The following TMEM135 variants were observed in gnomAD, a reference collection of about 807,000 sequenced individuals.
The protein encoded by TMEM135 is transmembrane protein 135.
TMEM135 carries 30 observed loss-of-function variants against 60.3 expected under a neutral mutation model. The observed-to-expected ratio is 0.50, with a 90% confidence interval of 0.37 to 0.68. TMEM135 has a LOEUF of 0.68. Among genes scored for constraint, TMEM135 ranks in the 30% least tolerant of loss-of-function variants. TMEM135 has a pLI of 0.00. For synonymous variants in TMEM135, 190 were observed against 186.7 expected (o/e 1.02, Z -0.14); for missense variants, 468 against 548.8 (o/e 0.85, Z 1.47).
In TMEM135 at chr11:87,236,999, T is replaced by C. The variant is rs80336678; in HGVS notation, c.509+315T>C. ...TTTATCTTTTATGGACCTGATTGTA[T>C]GTAAATACCTAAGTGTTTTTCACTC... On this transcript the variant is annotated intron_variant, in intron 6 of 14. Coordinates refer to ENST00000305494, the MANE Select transcript of TMEM135 (RefSeq NM_022918.4). Among the ~76,000 whole-genome samples, 87 of 152,116 alleles carry C rather than the reference T, an allele frequency of 5.7e-4. No individual in the cohort carries two copies. In the East Asian group the frequency reaches 0.013, roughly 23 times the overall value.
rs1199993334 is a variant in TMEM135 at position 87,268,164 on chromosome 11, C to CTTTTCTTTTCTTTTCTTTTCT, written c.510-27615_510-27614insTCTTTTCTTTTCTTTTCTTTT. Among the ~76,000 whole-genome samples, 198 of 110,512 alleles carry CTTTTCTTTTCTTTTCTTTTCT rather than the reference C, an allele frequency of 1.8e-3. 21 individuals carry two copies. The highest frequency in any genetic ancestry group is 2.5e-3 in the Admixed American group (27 of 10,824). The allele number at this position is 110,512 out of a possible 152,430, so 72.5% of individuals were successfully genotyped here. On this transcript the variant is annotated intron_variant, in intron 6 of 14. Coordinates refer to ENST00000305494, the MANE Select transcript of TMEM135 (RefSeq NM_022918.4). ...CCTCTCCTTTCCTTTATTTCCTTTC[C>CTTTTCTTTTCTTTTCTTTTCT]TTTCCTTTCTTTTCTTTTCTTTCTT...
chr11:87,222,922 GTTACATCTTGT>G (rs1940674907), intron 5 of TMEM135, among the ~76,000 whole-genome samples: 7 of 152,034 alleles, frequency 4.6e-5, no homozygotes, highest in Admixed American at 4.6e-4. Flanking sequence ...ATTCAACATC[GTTACATCTTGT>G]AGTGATAGAC....
intron 6 of TMEM135, among the ~76,000 whole-genome samples, chr11:87,272,141 C>A (rs1215047924): frequency 1.3e-5 from 2 of 150,526 alleles, no homozygotes; most frequent in African/African-American, 4.9e-5. Context: ...GCAACCTCCC[C>A]CTCCCTGGTT....
At chr11:87,317,977 G>A (rs561494587) in intron 12 of TMEM135, among the ~76,000 whole-genome samples, 160 bp from the exon 13 acceptor site, 186 of 152,194 alleles carry the variant, frequency 1.2e-3, no homozygotes, top group African/African-American at 4.3e-3. Context: ...GGAAAGGGAA[G>A]GGCTGACCCT....
chr11:87,285,441 T>C (rs1171341531), intron 6 of TMEM135, among the ~76,000 whole-genome samples: 1 of 152,164 alleles, frequency 6.6e-6, no homozygotes, highest in African/African-American at 2.4e-5. Context: ...TGTTCAGAGT[T>C]TCTTCCTTTT....
At position 87,321,761 on chromosome 11, in the gene TMEM135, T is replaced by G. The variant is rs1393068632; in HGVS notation, c.*428T>G. 3 of 455,068 alleles carry G rather than the reference T, an allele frequency of 6.6e-6. No individual in the cohort carries two copies. The highest frequency in any genetic ancestry group is 4.7e-5 in the Admixed American group (2 of 42,566). 28.2% of individuals were successfully genotyped at this position (455,068 alleles called of 1,614,324 possible). On this transcript the variant is annotated 3_prime_UTR_variant, in exon 15 of 15. Coordinates refer to ENST00000305494, the MANE Select transcript of TMEM135 (RefSeq NM_022918.4). Reference sequence around the variant, plus strand: ...ACAAAGGATCACGGGTACATGGATTTGGTCTATATATTTTTTTAAAGTTTT... The same window carrying G: ...ACAAAGGATCACGGGTACATGGATTGGGTCTATATATTTTTTTAAAGTTTT...
At chr11:87,151,896 C>G (rs1412089784) in intron 4 of TMEM135, among the ~76,000 whole-genome samples, 2 of 152,182 alleles carry the variant, frequency 1.3e-5, no homozygotes, top group African/African-American at 2.4e-5. Context: ...TATAGTGTCT[C>G]ACTTCTGCCC....
chr11:87,162,509 A>G (rs923815478), intron 5 of TMEM135, among the ~76,000 whole-genome samples: 2 of 151,910 alleles, frequency 1.3e-5, no homozygotes, highest in South Asian at 4.2e-4. Context: ...GCTGAGAATG[A>G]TGGTTTCCAG....
intron 6 of TMEM135, among the ~76,000 whole-genome samples, chr11:87,251,621 G>A (rs470777): frequency 0.66 from 99,583 of 151,298 alleles, 33,335 homozygotes; most frequent in Non-Finnish European, 0.71. Flanking sequence ...ATATATACAT[G>A]TATATATATG....
At chr11:87,066,839 G>A (rs571571805) in intron 1 of TMEM135, among the ~76,000 whole-genome samples, 26 of 145,444 alleles carry the variant, frequency 1.8e-4, no homozygotes, top group Admixed American at 5.6e-4. Context: ...AGAGTGCAGT[G>A]GCACAATCTG....
intron 6 of TMEM135, among the ~76,000 whole-genome samples, chr11:87,289,113 G>C (rs1318413052): frequency 1.3e-5 from 2 of 152,290 alleles, no homozygotes; most frequent in African/African-American, 2.4e-5. Flanking sequence ...ATTCCATATT[G>C]TCTGCACCTT....
intron 5 of TMEM135, among the ~76,000 whole-genome samples, chr11:87,179,298 G>A (rs550773): frequency 0.13 from 19,859 of 152,062 alleles, 1,369 homozygotes; most frequent in Non-Finnish European, 0.15. Context: ...TATAGGATTT[G>A]GGAATATATT....
intron 4 of TMEM135, among the ~76,000 whole-genome samples, chr11:87,116,573 A>C (rs1857884776): frequency 8.9e-6 from 1 of 112,102 alleles, no homozygotes; most frequent in Admixed American, 1.1e-4. Context: ...GATTGGTATA[A>C]ATTGATTAAT....
rs540137473 is a variant in TMEM135, at chr11:87,285,957, C to G, written c.510-9825C>G. On this transcript the variant is annotated intron_variant, in intron 6 of 14. Coordinates refer to ENST00000305494, the MANE Select transcript of TMEM135 (RefSeq NM_022918.4). ...CACAGAGTGCTGATTGGTGCATTTA[C>G]AATCCTCTAGCTAGACATAAAAGTT... Among the ~76,000 whole-genome samples the G allele has an allele frequency of 1.4e-3, 212 of 152,240 alleles. 1 individual carries two copies. Among genetic ancestry groups the G allele is most frequent in the African/African-American group, 4.8e-3 (201 of 41,536 alleles).
At chr11:87,283,822 C>T (rs1256038245) in intron 6 of TMEM135, among the ~76,000 whole-genome samples, 3 of 152,188 alleles carry the variant, frequency 2.0e-5, no homozygotes, top group African/African-American at 7.2e-5. Context: ...CGCGTCATTG[C>T]ACTCCAGCCT....
chr11:87,095,503 G>A lies in TMEM135; in HGVS notation c.396+4108G>A, dbSNP rs554727029. The stretch of plus-strand genomic sequence containing the variant: ...TGAGCTTCCTCACTATACATGATGG[G>A]TTTCTGGGTTTCTTGGGTATATGGT... On this transcript the variant is annotated intron_variant, in intron 4 of 14. Transcript: ENST00000305494. The A allele has an allele frequency of 1.4e-3, 269 of 193,986 alleles. 1 individual carries two copies. The highest frequency in any genetic ancestry group is 2.4e-3 in the South Asian group (22 of 9,338). The allele number at this position is 193,986 out of a possible 1,614,324, so 12.0% of individuals were successfully genotyped here. A position where few individuals can be genotyped will look rare whatever the true frequency, so the allele number is the denominator to read the frequency against.
intron 6 of TMEM135, among the ~76,000 whole-genome samples, chr11:87,248,724 T>C (rs11235041): frequency 0.11 from 16,550 of 152,128 alleles, 1,632 homozygotes; most frequent in African/African-American, 0.26. Context: ...ATTTTGACAA[T>C]ACTGATTCTT....
chr11:87,249,395 T>A (rs1282532127), intron 6 of TMEM135, among the ~76,000 whole-genome samples: 2 of 151,866 alleles, frequency 1.3e-5, no homozygotes, highest in East Asian at 3.8e-4. Context: ...TCACATTGAT[T>A]GATTTATCTT....
At chr11:87,291,833 G>A (rs551012803) in intron 6 of TMEM135, among the ~76,000 whole-genome samples, 29 of 152,084 alleles carry the variant, frequency 1.9e-4, no homozygotes, top group Non-Finnish European at 2.5e-4. Flanking sequence ...GTGAGCCACC[G>A]TCCCCGGCCT....
Sources: allele counts gnomAD v4.1 joint callset (sites outside exome capture counted in the v4.1 genomes callset), GRCh38; gene constraint gnomAD v4.1.1; transcripts MANE v1.5; gene names NCBI Gene and HGNC (gene_info 2026-07-23, HGNC 2026-07-21).